Variants in GTF2IRD1 observed in about 807,000 individuals in gnomAD.
GTF2IRD1 encodes general transcription factor II-I repeat domain-containing protein 1.
GTF2IRD1 carries 26 observed loss-of-function variants against 113.2 expected under a neutral mutation model. The observed-to-expected ratio is 0.23, with a 90% CI of 0.17 to 0.32. GTF2IRD1 has a LOEUF of 0.32. Ranked by LOEUF, GTF2IRD1 falls within the 10% of genes least tolerant of loss-of-function variation. GTF2IRD1 has a pLI of 1.00. For synonymous variants in GTF2IRD1, 484 were observed against 529.1 expected (o/e 0.91, Z 1.17); for missense variants, 864 against 1,280.8 (o/e 0.67, Z 4.97).
At chr7:74,509,771 C>T (rs1455814338) in intron 2 of GTF2IRD1, among the ~76,000 whole-genome samples, 2 of 151,726 alleles carry the variant, frequency 1.3e-5, no homozygotes, top group Non-Finnish European at 2.9e-5. Context: ...CTCCCAGGTT[C>T]AAGCAATTCT....
rs535421092 is a variant in GTF2IRD1 at position 74,490,553 on chromosome 7, C to G, written c.-6-17522C>G. On this transcript the variant is annotated intron_variant, in intron 1 of 26. Coordinates refer to ENST00000424337, the MANE Select transcript of GTF2IRD1 (RefSeq NM_005685.4). Reference sequence around the variant, plus strand: ...TGGGGAGAAAGGATACCCCCCCCCCCGCCCGCCTTCCAGAAGGGGAGAAAT... The same window carrying G: ...TGGGGAGAAAGGATACCCCCCCCCCGGCCCGCCTTCCAGAAGGGGAGAAAT... 1.3e-4 allele frequency among the ~76,000 whole-genome samples: 19 copies of G among 147,472 alleles called. No individual in the cohort carries two copies. The South Asian group carries it at 1.3e-3, about 10-fold the overall frequency.
intron 4 of GTF2IRD1, among the ~76,000 whole-genome samples, chr7:74,516,452 C>G (rs1326018182): frequency 6.6e-6 from 1 of 152,236 alleles, no homozygotes; most frequent in African/African-American, 2.4e-5. Context: ...GACCTGGCCT[C>G]CCTTGGGAAG....
chr7:74,585,150 T>C (rs1297698610), intron 22 of GTF2IRD1, among the ~76,000 whole-genome samples: 13 of 148,726 alleles, frequency 8.7e-5, no homozygotes, highest in African/African-American at 3.0e-4. Flanking sequence ...TCTTGCTCTG[T>C]CGCCTAGGCT....
intron 1 of GTF2IRD1, among the ~76,000 whole-genome samples, chr7:74,494,147 G>T (rs1178316109): frequency 6.6e-6 from 1 of 152,162 alleles, no homozygotes; most frequent in Non-Finnish European, 1.5e-5. Flanking sequence ...CAGCCAGATG[G>T]GTCTTACTCA....
intron 1 of GTF2IRD1, among the ~76,000 whole-genome samples, chr7:74,504,206 G>C (rs1554340367): frequency 6.6e-6 from 1 of 152,084 alleles, no homozygotes; most frequent in Non-Finnish European, 1.5e-5. Context: ...TGTGAATACT[G>C]CTGCTCTGAA....
intron 25 of GTF2IRD1, among the ~76,000 whole-genome samples, chr7:74,598,640 C>T (rs782103346): frequency 6.6e-6 from 1 of 151,842 alleles, no homozygotes; most frequent in African/African-American, 2.4e-5. Flanking sequence ...CAAAACATGG[C>T]AGAGACACAG....
intron 1 of GTF2IRD1, among the ~76,000 whole-genome samples, chr7:74,473,831 G>T (rs1554332957): frequency 6.6e-6 from 1 of 152,156 alleles, no homozygotes; most frequent in East Asian, 1.9e-4. Flanking sequence ...GATATCTTCA[G>T]CTGGGTGCAG....
intron 22 of GTF2IRD1, among the ~76,000 whole-genome samples, chr7:74,583,878 G>A (rs1291913012): frequency 2.0e-5 from 3 of 152,060 alleles, no homozygotes; most frequent in African/African-American, 4.8e-5. Flanking sequence ...TTGGAGGTCC[G>A]TGTGATGAGC....
chr7:74,504,415 C>T (rs147934997), intron 1 of GTF2IRD1, among the ~76,000 whole-genome samples: 46 of 152,160 alleles, frequency 3.0e-4, no homozygotes, highest in African/African-American at 7.7e-4. Flanking sequence ...TCCCAGGAGA[C>T]GGAACTTTCT....
chr7:74,472,738 G>A (rs1562777947), intron 1 of GTF2IRD1, among the ~76,000 whole-genome samples: 1 of 152,194 alleles, frequency 6.6e-6, no homozygotes, highest in African/African-American at 2.4e-5. Context: ...GGCAACAAGA[G>A]CGAAACTCTG....
intron 1 of GTF2IRD1, among the ~76,000 whole-genome samples, chr7:74,486,279 A>C (rs1312654317): frequency 1.3e-5 from 2 of 152,178 alleles, no homozygotes; most frequent in South Asian, 2.1e-4. Context: ...TGAGAAACAG[A>C]GGCTTAGGAG....
intron 2 of GTF2IRD1, among the ~76,000 whole-genome samples, chr7:74,508,606 G>C (rs576419251): frequency 4.8e-5 from 7 of 146,602 alleles, no homozygotes; most frequent in Non-Finnish European, 8.8e-5. Flanking sequence ...CAGGAGAATT[G>C]CTTGAACCTG....
At position 74,539,759 on chromosome 7, in the gene GTF2IRD1, A is replaced by G. The variant is rs181174754; in HGVS notation, c.1529-120A>G. 1.2e-4 allele frequency: 77 copies of G among 638,984 alleles called. 2 individuals carry two copies. Among genetic ancestry groups the G allele is most frequent in the African/African-American group, 9.5e-4 (51 of 53,826 alleles). The allele number at this position is 638,984 out of a possible 1,614,324, so 39.6% of individuals were successfully genotyped here. Reference sequence around the variant, plus strand: ...ACTCCATCTCAAACCAAAAAAAAAAAAGAGACAGAAAGAAAAGGACCCTTG... The same window carrying G: ...ACTCCATCTCAAACCAAAAAAAAAAGAGAGACAGAAAGAAAAGGACCCTTG... On this transcript the variant is annotated intron_variant, in intron 13 of 26. Coordinates refer to ENST00000424337, the MANE Select transcript of GTF2IRD1 (RefSeq NM_005685.4).
rs182442029 is a variant in GTF2IRD1 at position 74,595,323 on chromosome 7, G to A, written c.2629+272G>A. 2.7e-3 allele frequency among the ~76,000 whole-genome samples: 402 copies of A among 151,424 alleles called. 1 individual carries two copies. Among genetic ancestry groups the A allele is most frequent in the African/African-American group, 9.1e-3 (375 of 41,274 alleles). On this transcript the variant is annotated intron_variant, in intron 25 of 26. Coordinates refer to ENST00000424337, the MANE Select transcript of GTF2IRD1 (RefSeq NM_005685.4). ...CAGGGGACTGAGGCAGGAGAATTGC[G>A]TGAACCCGGGAGGCAGAGGTTGCGG...
intron 6 of GTF2IRD1, 110 bp from the exon 7 acceptor site, chr7:74,521,098 C>T (rs1278326631): frequency 1.5e-6 from 1 of 653,490 alleles, no homozygotes; most frequent in East Asian, 2.6e-5. Flanking sequence ...ATTGGATGTC[C>T]CTGGCAGATG....
intron 1 of GTF2IRD1, among the ~76,000 whole-genome samples, chr7:74,474,081 A>AG (rs1491511726): frequency 4.1e-3 from 120 of 29,496 alleles, no homozygotes; most frequent in Admixed American, 0.023. Context: ...AAAAAAAAAA[A>AG]CAAACAAAAA....
chr7:74,545,629 G>C, intron 15 of GTF2IRD1, 115 bp from the exon 16 acceptor site: 13 of 667,460 alleles, frequency 1.9e-5, no homozygotes, highest in Admixed American at 4.0e-5. Context: ...CCCAGCCCCA[G>C]CCTTCCCCCA....
At chr7:74,481,771 A>T (rs1263927364) in intron 1 of GTF2IRD1, among the ~76,000 whole-genome samples, 1 of 152,072 alleles carries the variant, frequency 6.6e-6, no homozygotes, top group African/African-American at 2.4e-5. Flanking sequence ...TTTGCATGTA[A>T]ATCTTTGCAT....
chr7:74,544,692 T>C (rs1269055106), intron 14 of GTF2IRD1, 63 bp from the exon 15 acceptor site: 65 of 1,529,408 alleles, frequency 4.3e-5, no homozygotes, highest in South Asian at 2.3e-4. Context: ...TGGCCTGACG[T>C]CGGCAGTGCA....
Sources: gnomAD v4.1 joint callset for allele counts (sites outside exome capture counted in the v4.1 genomes callset) on GRCh38, gnomAD v4.1.1 for gene constraint, MANE v1.5 for transcripts, NCBI Gene and HGNC (gene_info 2026-07-23, HGNC 2026-07-21) for gene names.